KATNAL2: variants seen among roughly 807,000 people sequenced by gnomAD.
KATNAL2 encodes katanin catalytic subunit A1 like 2.
Under a neutral mutation model 76.3 loss-of-function variants are expected in KATNAL2, and 52 were observed. The ratio of observed to expected loss-of-function variants is 0.68; its 90% CI spans 0.55 to 0.86. The LOEUF is 0.86. KATNAL2 is among the 40% of genes least tolerant of loss of function. KATNAL2 has a pLI of 0.00. For synonymous variants in KATNAL2, 243 were observed against 244.2 expected, an observed-to-expected ratio of 1.00 and a Z score of 0.05; for missense variants, 660 against 668.9, an observed-to-expected ratio of 0.99 and a Z score of 0.15.
chr18:46,959,169 A>T (rs1255005122), intron 3 of KATNAL2, among the ~76,000 whole-genome samples: 1 of 152,266 alleles, frequency 6.6e-6, no homozygotes, highest in Non-Finnish European at 1.5e-5. Context: ...CTATTGAAAT[A>T]CCAATAGCTA....
chr18:47,077,918 T>C (rs528869563), intron 15 of KATNAL2, among the ~76,000 whole-genome samples: 2 of 152,304 alleles, frequency 1.3e-5, no homozygotes, highest in South Asian at 4.1e-4. Context: ...GAAAATGTAA[T>C]CTACTCTCAG....
intron 3 of KATNAL2, among the ~76,000 whole-genome samples, chr18:46,953,168 A>T (rs982271855): frequency 6.6e-6 from 1 of 152,086 alleles, no homozygotes; most frequent in African/African-American, 2.4e-5. Context: ...TGCTGGGATT[A>T]CAGGCGTGAG....
chr18:47,065,648 A>T (rs2061768736), intron 10 of KATNAL2, among the ~76,000 whole-genome samples: 1 of 151,958 alleles, frequency 6.6e-6, no homozygotes, highest in East Asian at 1.9e-4. Context: ...ACTCCATCTC[A>T]GAAAAAACAA....
intron 11 of KATNAL2, 41 bp downstream of exon 11, chr18:47,067,160 A>G: frequency 2.0e-6 from 2 of 1,018,430 alleles, no homozygotes; most frequent in South Asian, 3.2e-5. Context: ...TCTGTTCACT[A>G]TCCATTGGAC....
chr18:46,944,240 A>G (rs1281078105), intron 1 of KATNAL2, among the ~76,000 whole-genome samples: 1 of 152,216 alleles, frequency 6.6e-6, no homozygotes, highest in East Asian at 1.9e-4. Context: ...TTTTGTATCT[A>G]ACCTAGCAGT....
At chr18:47,046,176 A>T (rs1380146864) in intron 3 of KATNAL2, among the ~76,000 whole-genome samples, 1 of 152,176 alleles carries the variant, frequency 6.6e-6, no homozygotes, top group East Asian at 1.9e-4. Context: ...CACGATTATA[A>T]GCAATAAAAG....
Position 47,059,653 on chromosome 18 carries a change from G to A in KATNAL2, c.548G>A (p.Arg183Lys), listed in dbSNP as rs2061573964. 2 of 1,600,916 alleles carry A rather than the reference G, an allele frequency of 1.2e-6. No homozygotes were observed. Among genetic ancestry groups the A allele is most frequent in the African/African-American group, 1.3e-5 (1 of 74,608 alleles). ...GGAGAGGAAAATGCCCACCCACGAA[G>A]AGTAAGTGAAACTCATGAACCTAAC... ...DSGEENAHPRRGQIIDFQGLL... is the reference protein window; with the variant it reads ...DSGEENAHPRKGQIIDFQGLL... The change falls in exon 8 of 18, where the codon AGA becomes AAA. Residue 183 changes from arginine (R) to lysine (K), a missense_variant and splice_region_variant. Coordinates refer to ENST00000683218, the MANE Select transcript of KATNAL2 (RefSeq NM_001387690.1).
At chr18:46,956,511 C>G (rs2059751923) in intron 3 of KATNAL2, among the ~76,000 whole-genome samples, 1 of 152,186 alleles carries the variant, frequency 6.6e-6, no homozygotes, top group Admixed American at 6.5e-5. Context: ...GCCCCTTTAC[C>G]AATTTAATAA....
chr18:47,035,920 G>T (rs899705960), intron 3 of KATNAL2, among the ~76,000 whole-genome samples: 4 of 152,234 alleles, frequency 2.6e-5, no homozygotes, highest in African/African-American at 9.6e-5. Context: ...GACTGATGTT[G>T]TGTGAGGGGA....
chr18:47,038,254 T>C (rs1490302801), intron 3 of KATNAL2, among the ~76,000 whole-genome samples: 11 of 152,226 alleles, frequency 7.2e-5, no homozygotes, highest in Non-Finnish European at 5.9e-5. Flanking sequence ...GTCTCAAGAA[T>C]TAGAGCTTTT....
At chr18:46,953,543 TCCAGGAGTTTGAGA>T (rs2059630730) in intron 3 of KATNAL2, among the ~76,000 whole-genome samples, 1 of 151,946 alleles carries the variant, frequency 6.6e-6, no homozygotes, top group African/African-American at 2.4e-5. Flanking sequence ...GGTGCTTAAG[TCCAGGAGTTTGAGA>T]CCAGCGTGGG....
chr18:46,939,735 A>T (rs978136747), intron 1 of KATNAL2, among the ~76,000 whole-genome samples: 1 of 152,214 alleles, frequency 6.6e-6, no homozygotes, highest in African/African-American at 2.4e-5. Flanking sequence ...AGGCTAAAGA[A>T]GTTTGAAGAT....
In KATNAL2 at chr18:47,033,577, C is replaced by G. The variant is rs1235031765; in HGVS notation, c.52-12880C>G. 2.5e-6 allele frequency: 4 copies of G among 1,614,174 alleles called. No individual in the cohort carries two copies. In the African/African-American group the frequency reaches 4.0e-5, roughly 16 times the overall value. On this transcript the variant is annotated intron_variant, in intron 3 of 17. Transcript: ENST00000683218. ...CTTTCTGCGATACAGCTGATCGGGC[C>G]TCCACCCTTCCAGAACAGGTTCAAG...
intron 4 of KATNAL2, 110 bp downstream of exon 4, chr18:47,046,637 T>C: frequency 1.2e-6 from 1 of 805,342 alleles, no homozygotes; most frequent in Non-Finnish European, 2.0e-6. Context: ...AGCAATTCTA[T>C]ATTTACAGAA....
At position 47,035,598 on chromosome 18, in the gene KATNAL2, C is replaced by G. The variant is rs147815940; in HGVS notation, c.52-10859C>G. ...ATGTAGCCCATCCCAGGCTGACACT[C>G]ACGGCTCTAGCCCTGACCCTCTTAG... On this transcript the variant is annotated intron_variant, in intron 3 of 17. Coordinates refer to ENST00000683218, the MANE Select transcript of KATNAL2 (RefSeq NM_001387690.1). The G allele has an allele frequency of 2.4e-3, 1,259 of 524,984 alleles. 9 individuals carry two copies. The highest frequency in any genetic ancestry group is 0.022 in the African/African-American group (1,135 of 51,988). 32.5% of individuals were successfully genotyped at this position (524,984 alleles called of 1,614,324 possible). A position where few individuals can be genotyped will look rare whatever the true frequency, so the allele number is the denominator to read the frequency against.
intron 11 of KATNAL2, among the ~76,000 whole-genome samples, chr18:47,068,401 G>T (rs962859940): frequency 2.0e-5 from 3 of 152,128 alleles, no homozygotes; most frequent in Non-Finnish European, 4.4e-5. Context: ...ACACTTAAGG[G>T]TAAGAAATAC....
At chr18:46,936,096 G>A (rs2059082273) in intron 1 of KATNAL2, among the ~76,000 whole-genome samples, 1 of 152,040 alleles carries the variant, frequency 6.6e-6, no homozygotes. Context: ...ACCACAATGA[G>A]AAACAGACAA....
chr18:47,056,550 A>C (rs1031663615), intron 6 of KATNAL2, among the ~76,000 whole-genome samples: 1 of 152,240 alleles, frequency 6.6e-6, no homozygotes, highest in Non-Finnish European at 1.5e-5. Flanking sequence ...TTTCTGCCAA[A>C]TTCCACAGGG....
At chr18:47,037,307 T>A (rs1017707833) in intron 3 of KATNAL2, among the ~76,000 whole-genome samples, 10 of 152,172 alleles carry the variant, frequency 6.6e-5, no homozygotes, top group Non-Finnish European at 1.2e-4. Flanking sequence ...ATTTTGAATT[T>A]GATAATGGAG....
Sources: allele counts gnomAD v4.1 joint callset (sites outside exome capture counted in the v4.1 genomes callset), GRCh38; gene constraint gnomAD v4.1.1; transcripts MANE v1.5; gene names NCBI Gene and HGNC (gene_info 2026-07-23, HGNC 2026-07-21).